ERICH1: variants seen among roughly 807,000 people sequenced by gnomAD.
The protein encoded by ERICH1 is glutamate-rich protein 1.
A neutral mutation model predicts 39.6 loss-of-function variants in ERICH1; 56 were observed. The ratio of observed to expected loss-of-function variants is 1.41; its 90% CI spans 1.14 to 1.77. The LOEUF (loss-of-function observed/expected upper bound fraction) is 1.77, where lower values mean the gene tolerates loss of function less well. Ranked by LOEUF, ERICH1 falls within the 40% of genes most tolerant of loss-of-function variation. ERICH1 has a pLI of 0.00. For missense variants in ERICH1, 826 were observed against 575.4 expected, an observed-to-expected ratio of 1.44 and a Z score of -4.45; for synonymous variants, 313 against 223.6, an observed-to-expected ratio of 1.40 and a Z score of -3.57.
intron 1 of ERICH1, among the ~76,000 whole-genome samples, chr8:719,722 TG>T (rs1168257487): frequency 6.6e-6 from 1 of 152,222 alleles, no homozygotes; most frequent in African/African-American, 2.4e-5. Context: ...AATTTTGTAC[TG>T]AAGTGCCCAC....
rs997199982 is a variant in ERICH1 at position 731,012 on chromosome 8, G to A, written c.22+128C>T. On this transcript the variant is annotated intron_variant, in intron 1 of 5. Transcript: ENST00000262109. The stretch of plus-strand genomic sequence containing the variant: ...GATGGGTAGGGACTGGGGTGGAGGT[G>A]GGGAGTCGGTCTGGGTTTGGGGTGG... 2.3e-5 allele frequency: 26 copies of A among 1,117,796 alleles called. No individual in the cohort carries two copies. The African/African-American group carries it at 4.3e-4, about 18-fold the overall frequency. The allele number at this position is 1,117,796 out of a possible 1,614,324, so 69.2% of individuals were successfully genotyped here. A position where few individuals can be genotyped will look rare whatever the true frequency, so the allele number is the denominator to read the frequency against.
At chr8:642,866 C>T (rs1799174172) in intron 3 of ERICH1, among the ~76,000 whole-genome samples, 1 of 152,134 alleles carries the variant, frequency 6.6e-6, no homozygotes, top group African/African-American at 2.4e-5. Flanking sequence ...GCCCTGGCAC[C>T]TGTGGCAGGC....
At position 728,924 on chromosome 8, in the gene ERICH1, G is replaced by GAA. The variant is rs112661537; in HGVS notation, c.22+2214_22+2215dup. On this transcript the variant is annotated intron_variant, in intron 1 of 5. Transcript: ENST00000262109. ...CCTAGCAGAAACAATCTACTTCCAG[G>GAA]AAAAAAAAAATGCTTAGAATCACTG... Among the ~76,000 whole-genome samples the GAA allele has an allele frequency of 9.7e-4, 146 of 150,000 alleles. 2 individuals are homozygous for GAA. The highest frequency in any genetic ancestry group is 3.0e-3 in the Admixed American group (45 of 15,080).
chr8:682,051 G>C (rs573606439), intron 3 of ERICH1, among the ~76,000 whole-genome samples: 130 of 130,274 alleles, frequency 1.0e-3, no homozygotes, highest in Non-Finnish European at 1.5e-3. Flanking sequence ...CTGCCCCTTG[G>C]CTACAGATTC....
intron 1 of ERICH1, among the ~76,000 whole-genome samples, chr8:722,872 C>T (rs1204829339): frequency 1.3e-5 from 2 of 152,222 alleles, no homozygotes; most frequent in Non-Finnish European, 2.9e-5. Flanking sequence ...CACATGCTTA[C>T]AGGAATTCAT....
intron 2 of ERICH1, among the ~76,000 whole-genome samples, chr8:700,182 C>A (rs1811605407): frequency 8.1e-6 from 1 of 122,748 alleles, no homozygotes. Context: ...CCCGCACAGG[C>A]CCGCACACGC....
intron 3 of ERICH1, among the ~76,000 whole-genome samples, chr8:640,042 G>C (rs1237527105): frequency 2.0e-5 from 3 of 152,166 alleles, no homozygotes; most frequent in African/African-American, 4.8e-5. Flanking sequence ...CCCTGATGGG[G>C]AGTGGCTCAT....
At chr8:658,338 G>A (rs745589624) in intron 3 of ERICH1, among the ~76,000 whole-genome samples, 24 of 152,152 alleles carry the variant, frequency 1.6e-4, no homozygotes, top group Admixed American at 5.9e-4. Context: ...CTCCCGGGAG[G>A]TGGGTTACTG....
intron 3 of ERICH1, among the ~76,000 whole-genome samples, chr8:636,664 C>T (rs1254693972): frequency 6.6e-6 from 1 of 152,258 alleles, no homozygotes; most frequent in Non-Finnish European, 1.5e-5. Context: ...AAGCGCAGTC[C>T]AAATAAAGGG....
chr8:634,741 A>T, intron 3 of ERICH1, among the ~76,000 whole-genome samples: 1 of 152,150 alleles, frequency 6.6e-6, no homozygotes, highest in East Asian at 1.9e-4. Context: ...ACTGAGTCCC[A>T]CGCGGGATGA....
At chr8:616,455 T>C (rs1796903473) in intron 3 of ERICH1, 3 of 451,270 alleles carry the variant, frequency 6.6e-6, no homozygotes, top group South Asian at 1.6e-5. Flanking sequence ...GCTAAGCGGA[T>C]TCAGCGCTGG....
intron 3 of ERICH1, among the ~76,000 whole-genome samples, chr8:679,337 C>T (rs75219907): frequency 0.038 from 5,621 of 148,724 alleles, 264 homozygotes; most frequent in East Asian, 0.16. Context: ...AGTGACCCCT[C>T]ACAGCTCCCA....
intron 3 of ERICH1, chr8:627,101 A>G (rs336433): frequency 0.65 from 295,601 of 455,890 alleles, 99,456 homozygotes; most frequent in African/African-American, 0.9. Flanking sequence ...ACGTATCCCT[A>G]GACACCTGCA....
At position 719,479 on chromosome 8, in the gene ERICH1, C is replaced by A. The variant is rs553714246; in HGVS notation, c.23-3472G>T. 2.6e-5 allele frequency among the ~76,000 whole-genome samples: 4 copies of A among 152,370 alleles called. No individual in the cohort carries two copies. In the East Asian group the frequency reaches 5.8e-4, roughly 22 times the overall value. ...GCTGAGATGCTTCTCTCAGCTGACG[C>A]CCGCGGTCGCCCGCAGGTGCTGTGA... On this transcript the variant is annotated intron_variant, in intron 1 of 5. Transcript: ENST00000262109.
At chr8:714,031 C>T in intron 2 of ERICH1, among the ~76,000 whole-genome samples, 2 of 108,312 alleles carry the variant, frequency 1.8e-5, no homozygotes, top group Non-Finnish European at 3.8e-5. Flanking sequence ...GTGGGATGTG[C>T]TGCACCCAGG....
chr8:701,921 C>T (rs1157751883), intron 2 of ERICH1, among the ~76,000 whole-genome samples: 1 of 151,912 alleles, frequency 6.6e-6, no homozygotes, highest in Non-Finnish European at 1.5e-5. Context: ...GAAACCTCGT[C>T]TCTACTAAAA....
chr8:623,377 G>C (rs1043654652), intron 3 of ERICH1, among the ~76,000 whole-genome samples: 1 of 152,134 alleles, frequency 6.6e-6, no homozygotes, highest in African/African-American at 2.4e-5. Flanking sequence ...ACTAGAAATC[G>C]AAGGAAACCT....
exon 4 of ERICH1, chr8:614,971 C>A: frequency 2.7e-6 from 1 of 371,860 alleles, no homozygotes; most frequent in Non-Finnish European, 4.8e-6. Flanking sequence ...GACTGAGCCA[C>A]AGGCTCACCT....
intron 1 of ERICH1, among the ~76,000 whole-genome samples, chr8:716,968 C>G (rs1398512533): frequency 6.6e-6 from 1 of 152,202 alleles, no homozygotes; most frequent in African/African-American, 2.4e-5. Context: ...CCTACAGGCC[C>G]CGCTGTTAAG....
Sources: gnomAD v4.1 joint callset for allele counts (sites outside exome capture counted in the v4.1 genomes callset) on GRCh38, gnomAD v4.1.1 for gene constraint, MANE v1.5 for transcripts, NCBI Gene and HGNC (gene_info 2026-07-23, HGNC 2026-07-21) for gene names.